Variants in SOX5 observed in about 807,000 individuals in gnomAD.
The protein encoded by SOX5 is transcription factor SOX-5.
Under a neutral mutation model 92.0 loss-of-function variants are expected in SOX5, and 9 were observed. The ratio of observed to expected loss-of-function variants is 0.10; its 90% confidence interval spans 0.06 to 0.17. The LOEUF is 0.17. SOX5 is among the 10% of genes least tolerant of loss of function. The pLI, the probability that SOX5 is intolerant of heterozygous loss-of-function variation, is 1.00. For synonymous variants in SOX5, 344 were observed against 336.3 expected, an observed-to-expected ratio of 1.02 and a Z score of -0.25; for missense variants, 642 against 944.5, an observed-to-expected ratio of 0.68 and a Z score of 4.20.
At chr12:23,987,529 A>C (rs932497085) in intron 4 of SOX5, among the ~76,000 whole-genome samples, 1 of 152,178 alleles carries the variant, frequency 6.6e-6, no homozygotes, top group African/African-American at 2.4e-5. Flanking sequence ...GTGGTGGTTC[A>C]CCCCTACAAT....
chr12:24,335,591 A>T lies in SOX5; in HGVS notation c.-174+32972T>A, dbSNP rs375229535. Among the ~76,000 whole-genome samples, 4 of 152,224 alleles carry T rather than the reference A, an allele frequency of 2.6e-5. No individual in the cohort carries two copies. In the South Asian group the frequency reaches 8.3e-4, roughly 32 times the overall value. Reference sequence around the variant, plus strand: ...TGAACCCAGACAATTTGGTTCCAGGACCTTAACGACCATGCTGTCCCGTTT... The same window carrying T: ...TGAACCCAGACAATTTGGTTCCAGGTCCTTAACGACCATGCTGTCCCGTTT... On this transcript the variant is annotated intron_variant, in intron 2 of 4. Transcript: ENST00000446891.
intron 2 of SOX5, among the ~76,000 whole-genome samples, chr12:24,315,416 G>C (rs1040902617): frequency 6.6e-6 from 1 of 152,098 alleles, no homozygotes; most frequent in South Asian, 2.1e-4. Flanking sequence ...AACAAAAAGG[G>C]AAAAAATACA....
At chr12:24,379,314 G>A (rs1278564368) in intron 1 of SOX5, among the ~76,000 whole-genome samples, 1 of 152,204 alleles carries the variant, frequency 6.6e-6, no homozygotes, top group Non-Finnish European at 1.5e-5. Flanking sequence ...GTGTTGAGAT[G>A]AACAAAATAA....
At chr12:24,094,255 T>C (rs1945042781) in intron 4 of SOX5, among the ~76,000 whole-genome samples, 2 of 152,178 alleles carry the variant, frequency 1.3e-5, no homozygotes, top group East Asian at 1.9e-4. Flanking sequence ...CGAAATTGTA[T>C]ATCATTTTAA....
At chr12:23,541,360 T>C (rs1172292869) in intron 13 of SOX5, among the ~76,000 whole-genome samples, 1 of 152,194 alleles carries the variant, frequency 6.6e-6, no homozygotes, top group East Asian at 1.9e-4. Context: ...TAACTTGGTT[T>C]TTATTCTGAC....
chr12:24,293,041 G>A (rs957793132), intron 2 of SOX5, among the ~76,000 whole-genome samples: 1 of 152,100 alleles, frequency 6.6e-6, no homozygotes, highest in Non-Finnish European at 1.5e-5. Context: ...TAGTTGGGTT[G>A]AGTGAGATAT....
At chr12:24,225,221 ATC>A (rs1402252600) in intron 3 of SOX5, among the ~76,000 whole-genome samples, 3 of 152,176 alleles carry the variant, frequency 2.0e-5, no homozygotes, top group Non-Finnish European at 4.4e-5. Context: ...GAGAACATGA[ATC>A]TCTAGTTATA....
chr12:23,673,310 T>C (rs1053718009), intron 6 of SOX5, among the ~76,000 whole-genome samples: 1 of 152,158 alleles, frequency 6.6e-6, no homozygotes, highest in East Asian at 1.9e-4. Flanking sequence ...AAAATCTTTA[T>C]TATACAATTC....
intron 11 of SOX5, among the ~76,000 whole-genome samples, chr12:23,559,379 C>T (rs1455624379): frequency 6.6e-6 from 1 of 152,090 alleles, no homozygotes; most frequent in Non-Finnish European, 1.5e-5. Context: ...TACAATTAAC[C>T]AGAGATGACA....
chr12:23,848,053 G>A (rs572501193), intron 2 of SOX5, among the ~76,000 whole-genome samples: 10 of 152,152 alleles, frequency 6.6e-5, no homozygotes, highest in African/African-American at 1.9e-4. Context: ...AGAATATTGC[G>A]AAACCTCTGT....
At chr12:23,865,457 C>T (rs901586748) in intron 2 of SOX5, among the ~76,000 whole-genome samples, 10 of 152,120 alleles carry the variant, frequency 6.6e-5, no homozygotes, top group East Asian at 5.8e-4. Context: ...GGGCAGATCA[C>T]GAGGTCCAGA....
intron 4 of SOX5, among the ~76,000 whole-genome samples, chr12:23,744,620 A>AT (rs1413088782): frequency 6.6e-6 from 1 of 152,148 alleles, no homozygotes; most frequent in African/African-American, 2.4e-5. Flanking sequence ...TTTCAATATT[A>AT]TTATGTTCAT....
At chr12:24,361,069 G>T (rs1955501418) in intron 2 of SOX5, among the ~76,000 whole-genome samples, 1 of 152,054 alleles carries the variant, frequency 6.6e-6, no homozygotes, top group Non-Finnish European at 1.5e-5. Context: ...AAGGTCTTAG[G>T]TCAGCTCCTC....
intron 3 of SOX5, among the ~76,000 whole-genome samples, chr12:23,832,362 C>T (rs987620322): frequency 1.3e-5 from 2 of 151,952 alleles, no homozygotes; most frequent in Non-Finnish European, 2.9e-5. Context: ...CTGTTGAGTT[C>T]ATTATTGTTC....
chr12:24,353,590 A>G (rs1954394701), intron 2 of SOX5, among the ~76,000 whole-genome samples: 1 of 151,028 alleles, frequency 6.6e-6, no homozygotes, highest in African/African-American at 2.4e-5. Flanking sequence ...TGGGAAGAGT[A>G]TGTGTTGGGG....
At chr12:23,585,796 G>A (rs1272062293) in intron 9 of SOX5, among the ~76,000 whole-genome samples, 3 of 152,092 alleles carry the variant, frequency 2.0e-5, no homozygotes, top group African/African-American at 4.8e-5. Context: ...GGTAAATGCC[G>A]GCAGCTATGT....
intron 1 of SOX5, among the ~76,000 whole-genome samples, chr12:23,897,487 A>G (rs766031944): frequency 2.2e-4 from 33 of 152,168 alleles, no homozygotes; most frequent in Non-Finnish European, 4.3e-4. Context: ...TATCTACCTC[A>G]TAAGGCTTTT....
intron 10 of SOX5, among the ~76,000 whole-genome samples, chr12:23,565,741 G>A (rs548276379): frequency 8.6e-5 from 13 of 151,724 alleles, no homozygotes; most frequent in Admixed American, 5.3e-4. Flanking sequence ...AGACTCTTGA[G>A]TTTTAGTTAT....
chr12:23,613,480 T>A (rs1403406904), intron 8 of SOX5, among the ~76,000 whole-genome samples: 1 of 152,106 alleles, frequency 6.6e-6, no homozygotes, highest in East Asian at 1.9e-4. Context: ...ATGATAGAAT[T>A]ACTATATAAC....
Sources: allele counts gnomAD v4.1 joint callset (sites outside exome capture counted in the v4.1 genomes callset), GRCh38; gene constraint gnomAD v4.1.1; transcripts MANE v1.5; gene names NCBI Gene and HGNC (gene_info 2026-07-23, HGNC 2026-07-21).